The following DHRSX variants were observed in gnomAD, a reference collection of about 807,000 sequenced individuals.
DHRSX encodes dehydrogenase/reductase X-linked.
A neutral mutation model predicts 34.0 loss-of-function variants in DHRSX; 31 were observed. The ratio of observed to expected loss-of-function variants is 0.91; its 90% CI spans 0.69 to 1.23. DHRSX has a LOEUF of 1.23. DHRSX is among the 50% of genes most tolerant of loss of function. The pLI is 0.00. For missense variants in DHRSX, 414 were observed against 428.1 expected, an observed-to-expected ratio of 0.97 and a Z score of 0.29; for synonymous variants, 201 against 183.8, an observed-to-expected ratio of 1.09 and a Z score of -0.76.
intron 3 of DHRSX, among the ~76,000 whole-genome samples, chrX:2,347,094 G>C (rs748141636): frequency 3.3e-5 from 5 of 152,296 alleles, no homozygotes; most frequent in South Asian, 4.1e-4. Flanking sequence ...TAAAGTATAA[G>C]TATGTTTTCA....
intron 3 of DHRSX, among the ~76,000 whole-genome samples, chrX:2,355,870 AC>A (rs1341607929): frequency 5.3e-5 from 8 of 152,040 alleles, no homozygotes; most frequent in Admixed American, 2.0e-4. Context: ...GTTTGAGACC[AC>A]CCAGGCCAAC....
At chrX:2,224,981 CTAAT>C (rs1273740140) in intron 6 of DHRSX, among the ~76,000 whole-genome samples, 1 of 151,148 alleles carries the variant, frequency 6.6e-6, no homozygotes, top group Non-Finnish European at 1.5e-5. Context: ...CACATGCACA[CTAAT>C]TCACATGCAC....
chrX:2,287,361 C>T (rs1001931380), intron 4 of DHRSX, among the ~76,000 whole-genome samples: 18 of 151,686 alleles, frequency 1.2e-4, no homozygotes, highest in Non-Finnish European at 1.5e-5. Context: ...ATGTCCACAT[C>T]CTAATCCTCA....
At chrX:2,241,711 C>G (rs2016144968) in intron 6 of DHRSX, among the ~76,000 whole-genome samples, 3 of 152,070 alleles carry the variant, frequency 2.0e-5, no homozygotes, top group Admixed American at 6.6e-5. Flanking sequence ...GAGTTCGTGA[C>G]CAGCCTGGTC....
chrX:2,373,839 CAGG>C (rs2043109538), intron 3 of DHRSX, among the ~76,000 whole-genome samples: 2 of 152,072 alleles, frequency 1.3e-5, no homozygotes, highest in South Asian at 4.2e-4. Context: ...ATGTTGACAG[CAGG>C]AGATGGTGAG....
At chrX:2,471,430 G>A (rs1053995860) in intron 1 of DHRSX, among the ~76,000 whole-genome samples, 1 of 151,870 alleles carries the variant, frequency 6.6e-6, no homozygotes, top group Non-Finnish European at 1.5e-5. Flanking sequence ...AGCCGGGTGT[G>A]GTGGCAGGCA....
chrX:2,266,277 TGTACA>T (rs2041468557), intron 5 of DHRSX, among the ~76,000 whole-genome samples: 1 of 133,202 alleles, frequency 7.5e-6, no homozygotes, highest in African/African-American at 3.2e-5. Flanking sequence ...AGAGCACCGG[TGTACA>T]GCAGACACAG....
chrX:2,256,879 A>T (rs2041286909), intron 5 of DHRSX, among the ~76,000 whole-genome samples: 1 of 151,984 alleles, frequency 6.6e-6, no homozygotes, highest in African/African-American at 2.4e-5. Flanking sequence ...CTCCTTGCCA[A>T]CCCCTGTTCT....
chrX:2,266,042 A>G (rs927958472), intron 5 of DHRSX, among the ~76,000 whole-genome samples: 3 of 128,756 alleles, frequency 2.3e-5, no homozygotes, highest in Non-Finnish European at 3.2e-5. Context: ...ACCAGTGTAC[A>G]GCAGACGCAG....
chrX:2,241,866 C>T (rs971124029), intron 6 of DHRSX, among the ~76,000 whole-genome samples: 1 of 152,116 alleles, frequency 6.6e-6, no homozygotes, highest in Non-Finnish European at 1.5e-5. Flanking sequence ...AGAGGTCCCG[C>T]CACTGCACTC....
rs71309486 is a variant in DHRSX at position 2,348,692 on chromosome X, ATT to A, written c.287-57091_287-57090del. 2.3e-3 allele frequency among the ~76,000 whole-genome samples: 331 copies of A among 146,330 alleles called. 2 individuals carry two copies. The highest frequency in any genetic ancestry group is 7.4e-3 in the African/African-American group (296 of 40,174). ...AAGCCCTTGTGGGTCTCTTATTTTT[ATT>A]TTTTTTTTTTTTATTTTGTTTTGTT... On this transcript the variant is annotated intron_variant, in intron 3 of 6. Coordinates refer to ENST00000334651, the MANE Select transcript of DHRSX (RefSeq NM_145177.3).
intron 5 of DHRSX, among the ~76,000 whole-genome samples, chrX:2,258,668 GGTATTTTATTATGGCAGCCCCA>G (rs1305327264): frequency 9.9e-5 from 15 of 152,252 alleles, no homozygotes; most frequent in African/African-American, 3.6e-4. Context: ...CTAGGTCCGT[GGTATTTTATTATGGCAGCCCCA>G]GCAAAGCAAT....
At chrX:2,381,797 CAAAAAAAAAAAA>C (rs767319246) in intron 3 of DHRSX, among the ~76,000 whole-genome samples, 2 of 81,614 alleles carry the variant, frequency 2.5e-5, no homozygotes, top group Non-Finnish European at 4.3e-5. Context: ...AAGCCACAAC[CAAAAAAAAAAAA>C]AAAAAAAAAA....
chrX:2,306,453 G>C (rs1382006770), intron 3 of DHRSX, among the ~76,000 whole-genome samples: 1 of 148,488 alleles, frequency 6.7e-6, no homozygotes, highest in African/African-American at 2.5e-5. Flanking sequence ...TTAAGATTGC[G>C]ATCAATTATC....
intron 3 of DHRSX, among the ~76,000 whole-genome samples, chrX:2,379,433 CTGAGT>C (rs1466686733): frequency 2.6e-5 from 4 of 152,074 alleles, no homozygotes; most frequent in Non-Finnish European, 4.4e-5. Flanking sequence ...CTGAGCCTGC[CTGAGT>C]TATCTGTGAA....
chrX:2,409,920 G>T (rs5939501), intron 2 of DHRSX, among the ~76,000 whole-genome samples: 1 of 151,596 alleles, frequency 6.6e-6, no homozygotes, highest in Non-Finnish European at 1.5e-5. Flanking sequence ...TTAGTAGAGA[G>T]GGGGTTTCAC....
chrX:2,449,573 C>A (rs969598997), intron 1 of DHRSX, among the ~76,000 whole-genome samples: 1 of 152,172 alleles, frequency 6.6e-6, no homozygotes, highest in Admixed American at 6.5e-5. Context: ...TAGCTCACTG[C>A]AGCCTCAACC....
chrX:2,482,207 G>A (rs1297332161), intron 1 of DHRSX, among the ~76,000 whole-genome samples: 7 of 150,774 alleles, frequency 4.6e-5, no homozygotes, highest in Non-Finnish European at 1.0e-4. Flanking sequence ...ACATTTCACT[G>A]CAGCCTCCAA....
At chrX:2,496,085 C>T (rs1240719991) in intron 1 of DHRSX, among the ~76,000 whole-genome samples, 2 of 152,186 alleles carry the variant, frequency 1.3e-5, no homozygotes, top group East Asian at 1.9e-4. Flanking sequence ...AGTTTCTGTT[C>T]GACAGGAGGA....
Sources: allele counts gnomAD v4.1 joint callset (sites outside exome capture counted in the v4.1 genomes callset), GRCh38; gene constraint gnomAD v4.1.1; transcripts MANE v1.5; gene names NCBI Gene and HGNC (gene_info 2026-07-23, HGNC 2026-07-21).